Variants in CSF1R observed in about 807,000 individuals in gnomAD.
CSF1R encodes the protein macrophage colony-stimulating factor 1 receptor.
A neutral mutation model predicts 110.0 loss-of-function variants in CSF1R; 40 were observed. The ratio of observed to expected loss-of-function variants is 0.36; its 90% CI spans 0.28 to 0.47. The LOEUF (loss-of-function observed/expected upper bound fraction) is 0.47. CSF1R is among the 20% of genes least tolerant of loss of function. The probability of loss-of-function intolerance (pLI) is 0.99; values close to 1 mark genes in which losing one functional copy is unlikely to be tolerated. For synonymous variants in CSF1R, 523 were observed against 503.4 expected (o/e 1.04, Z -0.52); for missense variants, 1,052 against 1,253.0 (o/e 0.84, Z 2.42).
At chr5:150,076,352 ATCT>A (rs1758263028) in intron 5 of CSF1R, among the ~76,000 whole-genome samples, 3 of 147,634 alleles carry the variant, frequency 2.0e-5, no homozygotes, top group South Asian at 4.2e-4. Flanking sequence ...CTATCTATCT[ATCT>A]ATCTATCTAT....
chr5:150,097,025 G>A (rs185435616), intron 1 of CSF1R, among the ~76,000 whole-genome samples: 251 of 152,264 alleles, frequency 1.6e-3, no homozygotes, highest in African/African-American at 5.8e-3. Context: ...ACTTTGGGGG[G>A]CCAACGTAGG....
At chr5:150,105,559 T>C (rs1275897571) in intron 1 of CSF1R, among the ~76,000 whole-genome samples, 1 of 151,766 alleles carries the variant, frequency 6.6e-6, no homozygotes, top group Non-Finnish European at 1.5e-5. Flanking sequence ...AGTCTCATTC[T>C]GTTGCCAGGC....
At chr5:150,098,175 G>A (rs936485229) in intron 1 of CSF1R, among the ~76,000 whole-genome samples, 2 of 152,036 alleles carry the variant, frequency 1.3e-5, no homozygotes, top group Non-Finnish European at 2.9e-5. Flanking sequence ...GGAACAACTG[G>A]CTATCCACAT....
chr5:150,070,545 C>A lies in CSF1R; in HGVS notation c.1109G>T (p.Arg370Leu), dbSNP rs1415767125. 1.9e-6 allele frequency: 3 copies of A among 1,545,344 alleles called. No homozygotes were observed. Among genetic ancestry groups the A allele is most frequent in the Admixed American group, 4.0e-5 (2 of 49,712 alleles). Reference protein sequence around the residue: ...YRHTFTLSLPRLKPSEAGRYS... With the variant: ...YRHTFTLSLPLLKPSEAGRYS... ...GCGGCCAGCCTCAGAGGGCTTCAGGCGGGGCAGAGAGAGGGTGAAGGTGTG... is the reference window on the plus strand; with the variant it reads ...GCGGCCAGCCTCAGAGGGCTTCAGGAGGGGCAGAGAGAGGGTGAAGGTGTG... Residue 370 changes from arginine (R) to leucine (L), a missense_variant, in exon 7 of 21, where the codon CGC (arginine) becomes CTC (leucine). This residue lies in a region of CSF1R where 693 missense variants were observed against 735.4 expected (regional missense o/e 0.94). Coordinates refer to ENST00000675795, the MANE Select transcript of CSF1R (RefSeq NM_001288705.3).
intron 1 of CSF1R, chr5:150,094,184 A>T: frequency 1.7e-6 from 1 of 605,658 alleles, no homozygotes; most frequent in Non-Finnish European, 2.8e-6. Context: ...AAATATTTCC[A>T]GGCATAATGA....
At chr5:150,071,737 G>T (rs1279247844) in intron 6 of CSF1R, among the ~76,000 whole-genome samples, 1 of 152,048 alleles carries the variant, frequency 6.6e-6, no homozygotes, top group Non-Finnish European at 1.5e-5. Flanking sequence ...GTGGCTTATG[G>T]ACCCATTAAA....
At chr5:150,083,634 C>T (rs2113838719) in intron 1 of CSF1R, among the ~76,000 whole-genome samples, 1 of 152,200 alleles carries the variant, frequency 6.6e-6, no homozygotes, top group Admixed American at 6.5e-5. Flanking sequence ...CCCTCCCACA[C>T]ACCATGCCCC....
At chr5:150,058,780 C>A (rs1181887963) in intron 14 of CSF1R, among the ~76,000 whole-genome samples, 1 of 151,874 alleles carries the variant, frequency 6.6e-6, no homozygotes, top group African/African-American at 2.4e-5. Flanking sequence ...AGGATGAGGG[C>A]GCAGTGTACA....
At chr5:150,108,976 A>C (rs1759630425) in intron 1 of CSF1R, among the ~76,000 whole-genome samples, 1 of 151,490 alleles carries the variant, frequency 6.6e-6, no homozygotes, top group African/African-American at 2.4e-5. Flanking sequence ...ACCCCTACAC[A>C]GTGGTGGCAG....
At chr5:150,093,359 G>A (rs893793394) in intron 1 of CSF1R, among the ~76,000 whole-genome samples, 1 of 152,144 alleles carries the variant, frequency 6.6e-6, no homozygotes, top group Non-Finnish European at 1.5e-5. Context: ...GATTACAGGT[G>A]TGAGCCACAG....
chr5:150,102,691 G>A (rs995258935), intron 1 of CSF1R, among the ~76,000 whole-genome samples: 1 of 152,150 alleles, frequency 6.6e-6, no homozygotes, highest in African/African-American at 2.4e-5. Flanking sequence ...TGTTGACCAG[G>A]CTGGTCTCGA....
At chr5:150,055,433 CT>C in intron 18 of CSF1R, 97 bp from the exon 19 acceptor site, 1 of 961,594 alleles carries the variant, frequency 1.0e-6, no homozygotes, top group East Asian at 2.4e-5. Context: ...AAGGGTCCCA[CT>C]TGACAACACT....
At chr5:150,070,391 CA>C (rs1757981766) in intron 7 of CSF1R, 64 bp downstream of exon 7, 2 of 1,575,330 alleles carry the variant, frequency 1.3e-6, no homozygotes, top group South Asian at 1.2e-5. Flanking sequence ...CTGCCCCAGT[CA>C]ACCCCATCCC....
At chr5:150,077,549 G>T (rs2113825284) in intron 4 of CSF1R, 114 bp from the exon 5 acceptor site, 3 of 1,175,784 alleles carry the variant, frequency 2.6e-6, no homozygotes, top group Non-Finnish European at 3.7e-6. Context: ...TGAGCCTGTT[G>T]CTTCACTTGT....
At chr5:150,067,955 C>T (rs1561921586) in intron 10 of CSF1R, among the ~76,000 whole-genome samples, 1 of 152,192 alleles carries the variant, frequency 6.6e-6, no homozygotes. Flanking sequence ...TCCCAAGTAG[C>T]TGGGATTACA....
chr5:150,054,782 T>G, intron 19 of CSF1R: 1 of 245,010 alleles, frequency 4.1e-6, no homozygotes, highest in Non-Finnish European at 7.2e-6. Context: ...AGGCCAGGAG[T>G]TCCAGACCAG....
chr5:150,086,273 T>A, intron 1 of CSF1R, 106 bp downstream of exon 1: 1 of 1,172,812 alleles, frequency 8.5e-7, no homozygotes, highest in Non-Finnish European at 1.2e-6. Context: ...TTGGGGAGAC[T>A]AAAACAGCCT....
intron 1 of CSF1R, among the ~76,000 whole-genome samples, chr5:150,098,083 C>T (rs1433813480): frequency 6.6e-6 from 1 of 152,094 alleles, no homozygotes; most frequent in African/African-American, 2.4e-5. Flanking sequence ...AATAGAACTG[C>T]ACATATGTGG....
chr5:150,086,485 G>A lies in CSF1R; in HGVS notation c.-58C>T, dbSNP rs2113846285. 1.3e-6 allele frequency: 2 copies of A among 1,539,296 alleles called. No homozygotes were observed. Among genetic ancestry groups the A allele is most frequent in the Non-Finnish European group, 8.9e-7 (1 of 1,124,530 alleles). ...GGCTGCAAGGTGCCCAGGGCACAGA[G>A]CTCTCAGCTACTAGCTCCGCAGGGA... On this transcript the variant is annotated 5_prime_UTR_variant, in exon 1 of 21. Transcript: ENST00000675795.
Sources: allele counts gnomAD v4.1 joint callset (sites outside exome capture counted in the v4.1 genomes callset), GRCh38; gene constraint gnomAD v4.1.1; regional missense constraint gnomAD v4.1.1; transcripts MANE v1.5; gene names NCBI Gene and HGNC (gene_info 2026-07-23, HGNC 2026-07-21).